The following PPP1R1C variants were observed in gnomAD, a reference collection of about 807,000 sequenced individuals.
PPP1R1C encodes protein phosphatase 1 regulatory subunit 1C.
In PPP1R1C, 15 loss-of-function variants were observed where a neutral mutation model predicts 17.4. The ratio of observed to expected loss-of-function variants is 0.86; its 90% CI spans 0.58 to 1.33. The LOEUF (loss-of-function observed/expected upper bound fraction) is 1.33, where lower values mean the gene tolerates loss of function less well. Among genes scored for constraint, PPP1R1C ranks in the 40% most tolerant of loss-of-function variants. The pLI, the probability that PPP1R1C is intolerant of heterozygous loss-of-function variation, is 0.00. For synonymous variants in PPP1R1C, 35 were observed against 43.1 expected, an observed-to-expected ratio of 0.81 and a Z score of 0.73; for missense variants, 143 against 130.0, an observed-to-expected ratio of 1.10 and a Z score of -0.48.
At chr2:182,083,124 G>A (rs867797974) in intron 4 of PPP1R1C, among the ~76,000 whole-genome samples, 1 of 152,188 alleles carries the variant, frequency 6.6e-6, no homozygotes, top group Non-Finnish European at 1.5e-5. Context: ...GGCTGCTAAA[G>A]TCTAGAAGTC....
At chr2:182,107,493 A>G (rs1253303599) in intron 4 of PPP1R1C, among the ~76,000 whole-genome samples, 2 of 152,210 alleles carry the variant, frequency 1.3e-5, no homozygotes, top group Non-Finnish European at 2.9e-5. Context: ...ATACAAAAAC[A>G]TTGTAGAGAC....
At position 182,037,191 on chromosome 2, in the gene PPP1R1C, G is replaced by T. The variant is rs967142542; in HGVS notation, c.143-24251G>T. ...AACAAAAACAAACAAAAAAGGCAGAGGTTGTTGACTCATATTTCTTTCACA... is the reference window on the plus strand; with the variant it reads ...AACAAAAACAAACAAAAAAGGCAGATGTTGTTGACTCATATTTCTTTCACA... On this transcript the variant is annotated intron_variant, in intron 2 of 4. Transcript: ENST00000682840. 7.3e-4 allele frequency among the ~76,000 whole-genome samples: 111 copies of T among 152,152 alleles called. 7 individuals carry two copies. The highest frequency in any genetic ancestry group is 2.9e-5 in the Non-Finnish European group (2 of 68,018).
intron 4 of PPP1R1C, among the ~76,000 whole-genome samples, chr2:182,114,745 G>T (rs1057161955): frequency 2.0e-5 from 3 of 152,150 alleles, no homozygotes; most frequent in African/African-American, 4.8e-5. Flanking sequence ...CCTGGAAATA[G>T]TAATGCCACA....
chr2:181,998,010 G>C (rs1161112377), intron 2 of PPP1R1C, among the ~76,000 whole-genome samples: 1 of 152,134 alleles, frequency 6.6e-6, no homozygotes, highest in East Asian at 1.9e-4. Flanking sequence ...TGTTTCTGCT[G>C]TGTCTGTGAC....
At chr2:181,990,763 G>A (rs181060886) in intron 2 of PPP1R1C, among the ~76,000 whole-genome samples, 135 of 152,250 alleles carry the variant, frequency 8.9e-4, no homozygotes, top group Non-Finnish European at 8.8e-4. Context: ...GAGTAACAAC[G>A]AAAACACTCA....
intron 5 of PPP1R1C, among the ~76,000 whole-genome samples, chr2:182,124,300 CTTTGTTTTTT>C (rs1689811109): frequency 1.2e-4 from 12 of 100,638 alleles, no homozygotes; most frequent in Admixed American, 1.0e-3. Context: ...ATGCCTCCAG[CTTTGTTTTTT>C]TTTGTTTTTT....
intron 2 of PPP1R1C, among the ~76,000 whole-genome samples, chr2:182,018,846 ATGACT>A (rs1282776738): frequency 6.6e-6 from 1 of 152,138 alleles, no homozygotes; most frequent in Non-Finnish European, 1.5e-5. Flanking sequence ...GAATCAACTG[ATGACT>A]TGAATCATTG....
intron 5 of PPP1R1C, among the ~76,000 whole-genome samples, chr2:182,127,522 A>G (rs1353052006): frequency 4.6e-5 from 7 of 152,114 alleles, no homozygotes; most frequent in African/African-American, 1.7e-4. Context: ...TTTTCTCAAC[A>G]TTCTCAGAGT....
intron 1 of PPP1R1C, among the ~76,000 whole-genome samples, chr2:181,963,043 G>C (rs1684831951): frequency 6.6e-6 from 1 of 152,104 alleles, no homozygotes; most frequent in African/African-American, 2.4e-5. Flanking sequence ...TATCAGTCTG[G>C]CCTCCTCTCA....
chr2:181,986,389 C>T (rs1390670248), intron 1 of PPP1R1C, among the ~76,000 whole-genome samples, 198 bp downstream of exon 1: 3 of 152,134 alleles, frequency 2.0e-5, no homozygotes, highest in Non-Finnish European at 4.4e-5. Context: ...AAATGTAACA[C>T]TTCATTTGAT....
chr2:182,054,899 G>C (rs1687635507), intron 2 of PPP1R1C, among the ~76,000 whole-genome samples: 1 of 152,080 alleles, frequency 6.6e-6, no homozygotes, highest in South Asian at 2.1e-4. Context: ...GACCTCAGGT[G>C]ATCCACCTGC....
At chr2:182,054,900 A>T (rs1015877029) in intron 2 of PPP1R1C, among the ~76,000 whole-genome samples, 7 of 152,276 alleles carry the variant, frequency 4.6e-5, no homozygotes, top group Admixed American at 4.6e-4. Context: ...ACCTCAGGTG[A>T]TCCACCTGCG....
intron 4 of PPP1R1C, among the ~76,000 whole-genome samples, chr2:182,087,581 C>T (rs1402235536): frequency 1.3e-5 from 2 of 152,082 alleles, no homozygotes; most frequent in African/African-American, 4.8e-5. Flanking sequence ...TCCAGTATAC[C>T]AAAGTATGCC....
At position 181,962,613 on chromosome 2, in the gene PPP1R1C, G is replaced by A; in HGVS notation, n.111+7979G>A. 5.0e-6 allele frequency: 2 copies of A among 403,398 alleles called. No individual in the cohort carries two copies. Among genetic ancestry groups the A allele is most frequent in the Non-Finnish European group, 8.9e-6 (2 of 224,044 alleles). 25.0% of individuals were successfully genotyped at this position (403,398 alleles called of 1,614,324 possible). A position where few individuals can be genotyped will look rare whatever the true frequency, so the allele number is the denominator to read the frequency against. On this transcript the variant is annotated intron_variant and non_coding_transcript_variant, in intron 1 of 5. Coordinates refer to the PPP1R1C transcript ENST00000464264. This position sits in a 1 kb window ranked among gnomAD's most constrained non-coding sequence, Gnocchi z 6.0. Reference sequence around the variant, plus strand: ...AGAGCGGGAGGGGCCCTTGGGCCAAGTATCAGGGCAATAAATTAAAGACTT... The same window carrying A: ...AGAGCGGGAGGGGCCCTTGGGCCAAATATCAGGGCAATAAATTAAAGACTT...
chr2:182,000,125 A>G (rs957790802), intron 2 of PPP1R1C, among the ~76,000 whole-genome samples: 1 of 152,144 alleles, frequency 6.6e-6, no homozygotes, highest in African/African-American at 2.4e-5. Context: ...ATAATATGTC[A>G]TGACACCAAA....
chr2:182,033,870 T>A lies in PPP1R1C; in HGVS notation c.143-27572T>A, dbSNP rs545472398. On this transcript the variant is annotated intron_variant, in intron 2 of 4. Coordinates refer to ENST00000682840, the MANE Select transcript of PPP1R1C (RefSeq NM_001080545.3). ...CTTACGCTAAATCGCTTTGAACTGCTTCTAGGTACCAGGACGCAGAAAAGT... is the reference window on the plus strand; with the variant it reads ...CTTACGCTAAATCGCTTTGAACTGCATCTAGGTACCAGGACGCAGAAAAGT... Among the ~76,000 whole-genome samples the A allele has an allele frequency of 3.3e-5, 5 of 152,330 alleles. No homozygotes were observed. The South Asian group carries it at 1.0e-3, about 32-fold the overall frequency.
intron 1 of PPP1R1C, among the ~76,000 whole-genome samples, chr2:181,972,320 C>A (rs962434223): frequency 6.6e-6 from 1 of 152,078 alleles, no homozygotes; most frequent in Non-Finnish European, 1.5e-5. Flanking sequence ...AAATCCAAGA[C>A]AAAATGTGTG....
At chr2:181,969,209 A>G (rs1684960118) in intron 1 of PPP1R1C, among the ~76,000 whole-genome samples, 1 of 152,136 alleles carries the variant, frequency 6.6e-6, no homozygotes, top group East Asian at 1.9e-4. Flanking sequence ...ATACCTTCAG[A>G]TAATTTCTTA....
rs899040584 is a variant in PPP1R1C, at chr2:182,037,890, T to C, written c.143-23552T>C. On this transcript the variant is annotated intron_variant, in intron 2 of 4. Coordinates refer to ENST00000682840, the MANE Select transcript of PPP1R1C (RefSeq NM_001080545.3). ...TCTACACTTTTATTAGATTATTCTATTAATTGATCAAAGTCATGCTGAAAC... is the reference window on the plus strand; with the variant it reads ...TCTACACTTTTATTAGATTATTCTACTAATTGATCAAAGTCATGCTGAAAC... Among the ~76,000 whole-genome samples, 5 of 152,286 alleles carry C rather than the reference T, an allele frequency of 3.3e-5. No individual in the cohort carries two copies. The South Asian group carries it at 1.0e-3, about 32-fold the overall frequency.
Sources: gnomAD v4.1 joint callset for allele counts (sites outside exome capture counted in the v4.1 genomes callset) on GRCh38, gnomAD v4.1.1 for gene constraint, Gnocchi (gnomAD v3.1) non-coding constraint, MANE v1.5 for transcripts, NCBI Gene and HGNC (gene_info 2026-07-23, HGNC 2026-07-21) for gene names.